The following ACSS3 variants were observed in gnomAD, a reference collection of about 807,000 sequenced individuals.
ACSS3 encodes acyl-CoA synthetase short-chain family member 3, mitochondrial.
A neutral mutation model predicts 84.2 loss-of-function variants in ACSS3; 64 were observed. The observed-to-expected ratio is 0.76, with a 90% confidence interval of 0.62 to 0.94. The LOEUF (loss-of-function observed/expected upper bound fraction) is 0.94. Among genes scored for constraint, ACSS3 ranks in the 40% least tolerant of loss-of-function variants. The probability of loss-of-function intolerance (pLI) is 0.00; values close to 1 mark genes in which losing one functional copy is unlikely to be tolerated. For missense variants in ACSS3, 815 were observed against 867.6 expected (o/e 0.94, Z 0.76); for synonymous variants, 317 against 310.1 (o/e 1.02, Z -0.23).
At chr12:81,125,753 T>C (rs891162435) in intron 2 of ACSS3, 1 of 152,214 alleles carries the variant, frequency 6.6e-6, no homozygotes, top group Non-Finnish European at 1.5e-5. Context: ...TGAGATCATA[T>C]GCAGGATTGC....
At chr12:81,080,225 A>T (rs1880883097) in intron 1 of ACSS3, among the ~76,000 whole-genome samples, 1 of 152,092 alleles carries the variant, frequency 6.6e-6, no homozygotes, top group Admixed American at 6.6e-5. Flanking sequence ...TCGAGAGGAC[A>T]ATTAGGGATC....
chr12:81,085,626 GGCAGGTTGCCAAATCTTGGCCAACC>G (rs1881260709), intron 1 of ACSS3, among the ~76,000 whole-genome samples: 2 of 152,196 alleles, frequency 1.3e-5, no homozygotes, highest in Non-Finnish European at 2.9e-5. Flanking sequence ...CTGTTCCGAA[GGCAGGTTGCCAAATCTTGGCCAACC>G]TGAAAAAGAT....
rs1036139219 is a variant in ACSS3, at chr12:81,256,894, T to A, written c.*1972T>A. 1.3e-5 allele frequency: 2 copies of A among 152,212 alleles called. No individual in the cohort carries two copies. The highest frequency in any genetic ancestry group is 2.9e-5 in the Non-Finnish European group (2 of 68,032). The allele number at this position is 152,212 out of a possible 1,614,324, so 9.4% of individuals were successfully genotyped here. On this transcript the variant is annotated 3_prime_UTR_variant, in exon 16 of 16. Transcript: ENST00000548058. ...ACTCTCTCATTTGAAGCTGTTGGGA[T>A]CCTTGAGTTGCCTCTTTCATTGGTA...
Position 81,231,116 on chromosome 12 carries a change from A to C in ACSS3, c.1574A>C (p.His525Pro). The change falls in exon 12 of 16, where the codon CAT (histidine) becomes CCT (proline). Residue 525 changes from histidine (H) to proline (P), a missense_variant. Transcript: ENST00000548058. ...GLWKNQEAFK[H>P]LYFEKFPGYY... ...TGGAAGAATCAGGAAGCATTCAAGC[A>C]TTTATACTTTGAAAAATTTCCTGTA... is the stretch of plus-strand genomic sequence containing the variant. 6.2e-7 allele frequency: 1 copy of C among 1,609,896 alleles called. No homozygotes were observed. The highest frequency in any genetic ancestry group is 1.7e-4 in the Middle Eastern group (1 of 6,030).
At chr12:81,210,270 G>A (rs549541397) in intron 9 of ACSS3, among the ~76,000 whole-genome samples, 1 of 152,266 alleles carries the variant, frequency 6.6e-6, no homozygotes, top group African/African-American at 2.4e-5. Flanking sequence ...CAGGCTGAAT[G>A]GGGTGATGAT....
intron 11 of ACSS3, among the ~76,000 whole-genome samples, chr12:81,225,084 G>C (rs898256081): frequency 2.0e-5 from 3 of 151,662 alleles, no homozygotes; most frequent in Non-Finnish European, 2.9e-5. Flanking sequence ...GTAGGGTTCA[G>C]TACTACCATG....
At position 81,109,714 on chromosome 12, in the gene ACSS3, T is replaced by C. The variant is rs371371273; in HGVS notation, c.456+10T>C. On this transcript the variant is annotated intron_variant, in intron 2 of 15. Transcript: ENST00000548058. ...AGAAGTTCTGGAGCAGGTAATATCA[T>C]AAACTTTATATATGTATATATGAAT... 42 of 1,576,358 alleles carry C rather than the reference T, an allele frequency of 2.7e-5. No individual in the cohort carries two copies. The African/African-American group carries it at 5.4e-4, about 20-fold the overall frequency.
At chr12:81,235,560 A>G (rs1305854686) in intron 13 of ACSS3, among the ~76,000 whole-genome samples, 7 of 151,498 alleles carry the variant, frequency 4.6e-5, no homozygotes, top group African/African-American at 1.7e-4. Context: ...TGTTAAATCC[A>G]TATATTGATT....
intron 1 of ACSS3, among the ~76,000 whole-genome samples, chr12:81,079,482 A>G (rs1880835133): frequency 6.6e-6 from 1 of 152,206 alleles, no homozygotes; most frequent in Admixed American, 6.5e-5. Flanking sequence ...AGAGCAAGAA[A>G]TCTGGAATGG....
chr12:81,228,449 T>C (rs1921073), intron 11 of ACSS3, among the ~76,000 whole-genome samples: 101,526 of 151,570 alleles, frequency 0.67, 34,447 homozygotes, highest in Non-Finnish European at 0.73. Context: ...TCTGGAAGCC[T>C]GTGTCCTTAA....
intron 2 of ACSS3, among the ~76,000 whole-genome samples, chr12:81,132,534 T>C (rs1000658654): frequency 6.6e-6 from 1 of 152,166 alleles, no homozygotes; most frequent in African/African-American, 2.4e-5. Context: ...TCTTTATTAG[T>C]CTTGCTAGCA....
intron 8 of ACSS3, among the ~76,000 whole-genome samples, chr12:81,182,678 T>C (rs2031015487): frequency 6.6e-6 from 1 of 152,188 alleles, no homozygotes; most frequent in Non-Finnish European, 1.5e-5. Flanking sequence ...CTTAAAAAAG[T>C]ATATCTGTAA....
At position 81,176,020 on chromosome 12, in the gene ACSS3, A is replaced by G. The variant is rs556826614; in HGVS notation, c.1250+1081A>G. On this transcript the variant is annotated intron_variant, in intron 8 of 15. Transcript: ENST00000548058. ...CCAAATTAGATCTGAACTGAAAAAAATTTAGATGCTAAAAAACCATATGAA... is the reference window on the plus strand; with the variant it reads ...CCAAATTAGATCTGAACTGAAAAAAGTTTAGATGCTAAAAAACCATATGAA... 1.2e-3 allele frequency among the ~76,000 whole-genome samples: 187 copies of G among 152,320 alleles called. 1 individual carries two copies. Among genetic ancestry groups the G allele is most frequent in the Middle Eastern group, 6.8e-3 (2 of 294 alleles).
intron 10 of ACSS3, among the ~76,000 whole-genome samples, chr12:81,219,751 G>C (rs964559521): frequency 2.0e-5 from 3 of 152,014 alleles, no homozygotes; most frequent in Admixed American, 6.6e-5. Flanking sequence ...TAGACATAGA[G>C]ATGAAATTAC....
chr12:81,231,894 G>C (rs770224314), intron 12 of ACSS3, among the ~76,000 whole-genome samples: 17 of 150,970 alleles, frequency 1.1e-4, no homozygotes, highest in Non-Finnish European at 8.9e-5. Flanking sequence ...ACCCCAACAG[G>C]GACACCTGGT....
At chr12:81,216,861 A>G (rs189230887) in intron 9 of ACSS3, 40 bp from the exon 10 acceptor site, 4 of 1,540,488 alleles carry the variant, frequency 2.6e-6, no homozygotes, top group East Asian at 4.6e-5. Flanking sequence ...TATGATTCCA[A>G]GTTAAAACAT....
chr12:81,162,733 AG>A (rs1887214391), intron 7 of ACSS3, among the ~76,000 whole-genome samples: 1 of 152,120 alleles, frequency 6.6e-6, no homozygotes, highest in Non-Finnish European at 1.5e-5. Flanking sequence ...GGGCACCTGC[AG>A]GCATGTGCTG....
At chr12:81,253,763 T>G in intron 15 of ACSS3, 93 bp downstream of exon 15, 1 of 1,285,710 alleles carries the variant, frequency 7.8e-7, no homozygotes. Flanking sequence ...TTCTCAAATG[T>G]GAATTGCATC....
chr12:81,202,247 C>G (rs1358714094), intron 9 of ACSS3, among the ~76,000 whole-genome samples: 1 of 151,406 alleles, frequency 6.6e-6, no homozygotes, highest in Non-Finnish European at 1.5e-5. Flanking sequence ...CCACTGCACT[C>G]CAGCCTGGGT....
Sources: gnomAD v4.1 joint callset for allele counts (sites outside exome capture counted in the v4.1 genomes callset) on GRCh38, gnomAD v4.1.1 for gene constraint, MANE v1.5 for transcripts, NCBI Gene and HGNC (gene_info 2026-07-23, HGNC 2026-07-21) for gene names.